Variants in KCNMA1 observed in about 807,000 individuals in gnomAD.
The protein encoded by KCNMA1 is potassium calcium-activated channel subfamily M alpha 1, also known as Calcium-activated potassium channel subunit alpha-1.
A neutral mutation model predicts 140.0 loss-of-function variants in KCNMA1; 29 were observed. That is an observed-to-expected ratio of 0.21 (90% CI 0.15 to 0.28). The LOEUF (loss-of-function observed/expected upper bound fraction) is 0.28. KCNMA1 is among the 10% of genes least tolerant of loss of function. KCNMA1 has a pLI of 1.00. For missense variants in KCNMA1, 880 were observed against 1,602.2 expected (o/e 0.55, Z 7.70); for synonymous variants, 612 against 611.9 (o/e 1.00, Z 0.00).
chr10:77,316,791 G>GT (rs1215000226), intron 2 of KCNMA1, among the ~76,000 whole-genome samples: 3 of 152,158 alleles, frequency 2.0e-5, no homozygotes, highest in African/African-American at 7.2e-5. Flanking sequence ...GGTCAAAGGA[G>GT]GACACCCACT....
chr10:77,082,316 T>G (rs1462385687), intron 12 of KCNMA1, among the ~76,000 whole-genome samples: 1 of 152,098 alleles, frequency 6.6e-6, no homozygotes, highest in Non-Finnish European at 1.5e-5. Context: ...TGTAAGCCAC[T>G]GAGCCCCGCC....
intron 3 of KCNMA1, among the ~76,000 whole-genome samples, chr10:77,185,739 C>T (rs946470847): frequency 1.4e-4 from 22 of 152,086 alleles, no homozygotes; most frequent in Middle Eastern, 3.4e-3. Flanking sequence ...CTTCTGTGTG[C>T]TTTCCTGTGT....
chr10:76,995,928 T>C (rs2084165440), intron 19 of KCNMA1, among the ~76,000 whole-genome samples: 1 of 152,176 alleles, frequency 6.6e-6, no homozygotes, highest in Admixed American at 6.5e-5. Context: ...CCTTCTTGTT[T>C]CCCAATCCTG....
chr10:77,109,881 T>C (rs1376464016), intron 8 of KCNMA1, among the ~76,000 whole-genome samples: 1 of 152,014 alleles, frequency 6.6e-6, no homozygotes, highest in Non-Finnish European at 1.5e-5. Context: ...TGCTAAGGGG[T>C]AGACACTCTC....
chr10:76,974,373 G>A (rs2076897020), intron 19 of KCNMA1: 1 of 560,036 alleles, frequency 1.8e-6, no homozygotes, highest in Non-Finnish European at 3.1e-6. Context: ...AGTGCAAGCT[G>A]AAATCCACAG....
chr10:76,941,002 G>A lies in KCNMA1; in HGVS notation c.2902+3771C>T, dbSNP rs28541483. The stretch of plus-strand genomic sequence containing the variant: ...GAAAGAGAGAAAGAGAGAAAGAAAG[G>A]AAGGAAGGAAGGAAGGAAGAAAGAA... On this transcript the variant is annotated intron_variant, in intron 23 of 27. Coordinates refer to ENST00000286628, the MANE Select transcript of KCNMA1 (RefSeq NM_001161352.2). 8.9e-3 allele frequency among the ~76,000 whole-genome samples: 333 copies of A among 37,334 alleles called. 2 individuals are homozygous for A. The highest frequency in any genetic ancestry group is 0.033 in the Middle Eastern group (3 of 90). 24.5% of individuals were successfully genotyped at this position (37,334 alleles called of 152,430 possible).
downstream of KCNMA1, among the ~76,000 whole-genome samples, chr10:76,881,862 T>C (rs532695989): frequency 1.8e-4 from 28 of 152,138 alleles, no homozygotes; most frequent in African/African-American, 5.5e-4. Context: ...GAGGAAGAGG[T>C]AACCTGGTGT....
At position 77,614,872 on chromosome 10, in the gene KCNMA1, C is replaced by A. The variant is rs375039684; in HGVS notation, c.378+22393G>T. ...CTTGGAATCCTCTTCATAACCTGGC[C>A]CAGGTATGGGACAAGTTGCCAATGA... On this transcript the variant is annotated intron_variant, in intron 1 of 27. Coordinates refer to ENST00000286628, the MANE Select transcript of KCNMA1 (RefSeq NM_001161352.2). Among the ~76,000 whole-genome samples, 52 of 152,252 alleles carry A rather than the reference C, an allele frequency of 3.4e-4. 2 individuals are homozygous for A. Among genetic ancestry groups the A allele is most frequent in the African/African-American group, 1.2e-3 (51 of 41,542 alleles).
At chr10:77,145,685 T>C (rs1488305360) in intron 5 of KCNMA1, among the ~76,000 whole-genome samples, 4 of 152,206 alleles carry the variant, frequency 2.6e-5, no homozygotes, top group African/African-American at 9.7e-5. Flanking sequence ...GACCAAGAAA[T>C]GAACTCAGAC....
chr10:77,016,489 C>T (rs2092068895), intron 17 of KCNMA1, among the ~76,000 whole-genome samples: 1 of 152,114 alleles, frequency 6.6e-6, no homozygotes, highest in Non-Finnish European at 1.5e-5. Flanking sequence ...GAGTTTGAGA[C>T]TGCTTCCCGG....
chr10:77,295,473 C>T (rs780496287), intron 2 of KCNMA1, among the ~76,000 whole-genome samples: 5 of 151,856 alleles, frequency 3.3e-5, no homozygotes, highest in Non-Finnish European at 7.4e-5. Flanking sequence ...AAAGTGTACA[C>T]TAGAGATTGT....
At chr10:76,999,723 C>G (rs922270549) in intron 19 of KCNMA1, among the ~76,000 whole-genome samples, 1 of 152,272 alleles carries the variant, frequency 6.6e-6, no homozygotes, top group Middle Eastern at 3.4e-3. Context: ...ATTTTAGGCC[C>G]ATATGGCAGT....
intron 2 of KCNMA1, among the ~76,000 whole-genome samples, chr10:77,348,685 T>C (rs1488357484): frequency 2.0e-5 from 3 of 152,250 alleles, no homozygotes; most frequent in African/African-American, 7.2e-5. Flanking sequence ...GTAATTCTTT[T>C]AGCTGATAAG....
chr10:77,279,579 G>T (rs1406851432), intron 2 of KCNMA1, among the ~76,000 whole-genome samples: 1 of 152,194 alleles, frequency 6.6e-6, no homozygotes, highest in Non-Finnish European at 1.5e-5. Flanking sequence ...CACAGCAAGG[G>T]TGTGATGATT....
chr10:77,405,377 C>T (rs764883379), intron 1 of KCNMA1, among the ~76,000 whole-genome samples: 4 of 152,170 alleles, frequency 2.6e-5, no homozygotes, highest in Non-Finnish European at 4.4e-5. Context: ...AGCCTTGGTG[C>T]CTAATAGAGT....
intron 1 of KCNMA1, among the ~76,000 whole-genome samples, chr10:77,589,380 T>C (rs1043097659): frequency 1.3e-5 from 2 of 152,088 alleles, no homozygotes; most frequent in Non-Finnish European, 2.9e-5. Context: ...CTGACTTGGA[T>C]GTGGTGCTCC....
chr10:76,889,385 G>T, intron 27 of KCNMA1, 66 bp downstream of exon 27: 1 of 1,058,800 alleles, frequency 9.4e-7, no homozygotes, highest in Non-Finnish European at 1.5e-6. Context: ...TTTACAGTAG[G>T]GGACAGGAAA....
chr10:77,161,000 A>G (rs1597528382), intron 5 of KCNMA1, among the ~76,000 whole-genome samples: 1 of 152,162 alleles, frequency 6.6e-6, no homozygotes, highest in African/African-American at 2.4e-5. Context: ...CTATTTTTCT[A>G]AAAGGCCCAG....
At chr10:77,424,405 G>T (rs1405212081) in intron 1 of KCNMA1, among the ~76,000 whole-genome samples, 1 of 152,190 alleles carries the variant, frequency 6.6e-6, no homozygotes, top group African/African-American at 2.4e-5. Flanking sequence ...CCTGCCCACA[G>T]TCACAAAGTC....
Sources: allele counts gnomAD v4.1 joint callset (sites outside exome capture counted in the v4.1 genomes callset), GRCh38; gene constraint gnomAD v4.1.1; transcripts MANE v1.5; gene names NCBI Gene and HGNC (gene_info 2026-07-23, HGNC 2026-07-21).